Variants in ZFHX3 observed in about 807,000 individuals in gnomAD.
ZFHX3 encodes zinc finger homeobox protein 3.
Under a neutral mutation model 279.1 loss-of-function variants are expected in ZFHX3, and 42 were observed. The observed-to-expected ratio is 0.15, with a 90% CI of 0.12 to 0.19. ZFHX3 has a LOEUF of 0.19. Ranked by LOEUF, ZFHX3 falls within the 10% of genes least tolerant of loss-of-function variation. ZFHX3 has a pLI of 1.00. For synonymous variants in ZFHX3, 2,293 were observed against 1,957.8 expected (o/e 1.17, Z -4.52); for missense variants, 4,981 against 4,754.0 (o/e 1.05, Z -1.40).
chr16:73,058,339 A>C (rs1252794192), intron 1 of ZFHX3, among the ~76,000 whole-genome samples: 2 of 145,110 alleles, frequency 1.4e-5, no homozygotes, highest in African/African-American at 2.5e-5. Flanking sequence ...GCGAGCGAGC[A>C]GGGCGCGGGC....
At chr16:73,750,115 G>A (rs1317310054) in intron 1 of ZFHX3, among the ~76,000 whole-genome samples, 1 of 152,182 alleles carries the variant, frequency 6.6e-6, no homozygotes, top group Non-Finnish European at 1.5e-5. Flanking sequence ...TGGAACTGGA[G>A]AGAAAGGAAC....
chr16:73,041,477 CA>C (rs1400182922), intron 1 of ZFHX3, among the ~76,000 whole-genome samples: 3 of 149,348 alleles, frequency 2.0e-5, no homozygotes, highest in African/African-American at 7.5e-5. Flanking sequence ...TTTAAGTGGG[CA>C]AAATACTATC....
chr16:73,043,209 C>A (rs1965177985), intron 1 of ZFHX3, among the ~76,000 whole-genome samples: 1 of 152,196 alleles, frequency 6.6e-6, no homozygotes, highest in Non-Finnish European at 1.5e-5. Context: ...CAGGACACAG[C>A]AAGCCAGCTA....
At chr16:73,492,098 C>T (rs2019065343) in intron 2 of ZFHX3, among the ~76,000 whole-genome samples, 1 of 152,198 alleles carries the variant, frequency 6.6e-6, no homozygotes, top group Non-Finnish European at 1.5e-5. Flanking sequence ...CTATCAGTTA[C>T]ATTTATCGAG....
chr16:72,788,302 C>T lies in ZFHX3; in HGVS notation c.9974G>A (p.Gly3325Asp), dbSNP rs2143299444. ...CTGCAGGTACCCGCTCTGCAGGGCG[C>T]CAGGGATCTGGGGAGCATAATAAGG... ...FSPYYAPQIP[G>D]ALQSGYLQPM... Residue 3325 changes from glycine (G) to aspartate (D), a missense_variant, in exon 10 of 10, where the codon GGC (glycine) becomes GAC (aspartate). Gly to Asp is a moderately conservative substitution (Grantham distance 94). Coordinates refer to ENST00000268489, the MANE Select transcript of ZFHX3 (RefSeq NM_006885.4). The T allele has an allele frequency of 6.2e-7, 1 of 1,614,136 alleles. No individual in the cohort carries two copies. The highest frequency in any genetic ancestry group is 8.5e-7 in the Non-Finnish European group (1 of 1,180,028).
intron 2 of ZFHX3, among the ~76,000 whole-genome samples, chr16:73,599,079 G>GA (rs2052083517): frequency 6.6e-6 from 1 of 152,198 alleles, no homozygotes; most frequent in Non-Finnish European, 1.5e-5. Flanking sequence ...CTATCTTAAA[G>GA]AGAGGGTTTC....
chr16:73,160,332 G>A (rs1967199339), intron 5 of ZFHX3, among the ~76,000 whole-genome samples: 1 of 152,140 alleles, frequency 6.6e-6, no homozygotes, highest in African/African-American at 2.4e-5. Context: ...ACCAAAAAAA[G>A]CCAAGGACCT....
chr16:72,958,638 A>C lies in ZFHX3; in HGVS notation c.1508T>G (p.Leu503Arg), dbSNP rs780946069. 2 of 1,613,862 alleles carry C rather than the reference A, an allele frequency of 1.2e-6. No individual in the cohort carries two copies. The highest frequency in any genetic ancestry group is 4.5e-5 in the East Asian group (2 of 44,878). Residue 503 changes from leucine to arginine, a missense_variant, in exon 2 of 10, where the codon CTG becomes CGG. Around this residue, in one of 7 missense-constraint regions of ZFHX3, gnomAD observed 1,068 missense variants for 935.2 expected, o/e 1.14. Transcript: ENST00000268489. ...AGGCTCCTCATGGGGCCTGTCCTCC[A>C]GTTCCTCATCCAACTCGCTTGGAAA... Reference protein sequence around the residue: ...GLFPSELDEELEDRPHEEPGA... With the variant: ...GLFPSELDEEREDRPHEEPGA...
intron 8 of ZFHX3, among the ~76,000 whole-genome samples, chr16:73,080,822 C>A (rs1360211706): frequency 6.6e-6 from 1 of 152,188 alleles, no homozygotes; most frequent in Non-Finnish European, 1.5e-5. Context: ...CTCAAGCAAT[C>A]CTCCCGCCTT....
chr16:72,943,789 C>A (rs141072858), intron 3 of ZFHX3, among the ~76,000 whole-genome samples: 2 of 152,098 alleles, frequency 1.3e-5, no homozygotes, highest in Admixed American at 1.3e-4. Context: ...ACCCAACAAC[C>A]CCACTTCATG....
At chr16:73,743,618 G>C (rs1361483053) in intron 1 of ZFHX3, among the ~76,000 whole-genome samples, 3 of 152,010 alleles carry the variant, frequency 2.0e-5, no homozygotes, top group South Asian at 4.1e-4. Flanking sequence ...TTATATCTAA[G>C]TTCTTATTAG....
chr16:73,168,122 T>C (rs1193355300), intron 5 of ZFHX3, among the ~76,000 whole-genome samples: 1 of 152,238 alleles, frequency 6.6e-6, no homozygotes, highest in Non-Finnish European at 1.5e-5. Flanking sequence ...TCTGAATTCA[T>C]AGTTCTTTTC....
At chr16:73,747,974 G>A (rs1881804599) in intron 1 of ZFHX3, among the ~76,000 whole-genome samples, 1 of 152,116 alleles carries the variant, frequency 6.6e-6, no homozygotes, top group African/African-American at 2.4e-5. Flanking sequence ...AAGCTAAATG[G>A]AACCTGTCAA....
At chr16:73,604,148 T>C (rs1597023038) in intron 2 of ZFHX3, among the ~76,000 whole-genome samples, 1 of 152,030 alleles carries the variant, frequency 6.6e-6, no homozygotes, top group African/African-American at 2.4e-5. Context: ...ACTGTTTATA[T>C]ATATAGATAG....
At chr16:73,468,273 C>T (rs2018606229) in intron 2 of ZFHX3, among the ~76,000 whole-genome samples, 1 of 152,148 alleles carries the variant, frequency 6.6e-6, no homozygotes, top group Non-Finnish European at 1.5e-5. Flanking sequence ...TCCCCATCTT[C>T]CAGGCAGCAG....
intron 2 of ZFHX3, among the ~76,000 whole-genome samples, chr16:73,637,303 C>T (rs1020281329): frequency 2.0e-5 from 3 of 146,714 alleles, no homozygotes; most frequent in African/African-American, 7.7e-5. Flanking sequence ...GTGATCTTGG[C>T]TCACTACAAC....
intron 3 of ZFHX3, among the ~76,000 whole-genome samples, chr16:73,436,419 C>T (rs1410711002): frequency 6.6e-6 from 1 of 152,032 alleles, no homozygotes; most frequent in Non-Finnish European, 1.5e-5. Context: ...TGGCAGCAGA[C>T]AAGAGAGAAT....
intron 1 of ZFHX3, among the ~76,000 whole-genome samples, chr16:73,837,432 G>C (rs1342905732): frequency 6.6e-6 from 1 of 152,106 alleles, no homozygotes. Flanking sequence ...GGAAATCCTG[G>C]AGACAAAAAG....
chr16:73,288,124 G>A (rs2014675857), intron 4 of ZFHX3, among the ~76,000 whole-genome samples: 1 of 151,766 alleles, frequency 6.6e-6, no homozygotes, highest in Non-Finnish European at 1.5e-5. Context: ...CAAGGAGGAG[G>A]GTGGGGGTCT....
Sources: allele counts gnomAD v4.1 joint callset (sites outside exome capture counted in the v4.1 genomes callset), GRCh38; gene constraint gnomAD v4.1.1; regional missense constraint gnomAD v4.1.1; transcripts MANE v1.5; gene names NCBI Gene and HGNC (gene_info 2026-07-23, HGNC 2026-07-21).